ME3: variants seen among roughly 807,000 people sequenced by gnomAD.
ME3 encodes the protein NADP-dependent malic enzyme, mitochondrial.
In ME3, 48 loss-of-function variants were observed where a neutral mutation model predicts 68.9. The observed-to-expected ratio is 0.70, with a 90% confidence interval of 0.55 to 0.89. ME3 has a LOEUF of 0.89. ME3 is among the 40% of genes least tolerant of loss of function. ME3 has a pLI of 0.00. For synonymous variants in ME3, 320 were observed against 318.8 expected (o/e 1.00, Z -0.04); for missense variants, 675 against 797.4 (o/e 0.85, Z 1.85).
intron 2 of ME3, among the ~76,000 whole-genome samples, chr11:86,641,464 T>C (rs1398784345): frequency 6.6e-6 from 1 of 152,242 alleles, no homozygotes; most frequent in African/African-American, 2.4e-5. Context: ...GCTAACTGGA[T>C]GCAAATGTGT....
At chr11:86,558,521 G>A (rs1247385439) in intron 3 of ME3, among the ~76,000 whole-genome samples, 6 of 152,198 alleles carry the variant, frequency 3.9e-5, no homozygotes, top group African/African-American at 1.4e-4. Flanking sequence ...TGGATGGTAT[G>A]AGGGAAACAG....
intron 2 of ME3, among the ~76,000 whole-genome samples, chr11:86,660,622 C>A (rs77188594): frequency 6.6e-6 from 1 of 152,126 alleles, no homozygotes; most frequent in African/African-American, 2.4e-5. Context: ...TGCCTAATAC[C>A]TGGTCACAGG....
At chr11:86,591,893 A>G (rs534497281) in intron 2 of ME3, among the ~76,000 whole-genome samples, 1 of 152,240 alleles carries the variant, frequency 6.6e-6, no homozygotes, top group Admixed American at 6.5e-5. Context: ...GGAATTCAAG[A>G]TGAGATTTGG....
intron 4 of ME3, among the ~76,000 whole-genome samples, chr11:86,544,897 CA>C (rs982603656): frequency 2.6e-5 from 4 of 152,104 alleles, no homozygotes; most frequent in African/African-American, 7.2e-5. Flanking sequence ...AACATCAATG[CA>C]AAAATCCTCA....
chr11:86,584,747 C>G (rs1181044153), intron 2 of ME3, among the ~76,000 whole-genome samples: 2 of 152,130 alleles, frequency 1.3e-5, no homozygotes, highest in African/African-American at 4.8e-5. Context: ...AATAATCCTA[C>G]TCATAGAAGC....
chr11:86,529,527 T>C (rs1479360315), intron 4 of ME3, among the ~76,000 whole-genome samples: 1 of 152,192 alleles, frequency 6.6e-6, no homozygotes, highest in Non-Finnish European at 1.5e-5. Context: ...ATCATCCTGA[T>C]ACCAAAGCCT....
At chr11:86,534,077 GTGTGTATATATATATA>G (rs1241430294) in intron 4 of ME3, among the ~76,000 whole-genome samples, 1 of 12,048 alleles carries the variant, frequency 8.3e-5, no homozygotes, top group African/African-American at 4.0e-4. Context: ...GTGTGTGTGT[GTGTGTATATATATATA>G]TATATATATA....
At chr11:86,603,125 G>A (rs1400940514) in intron 2 of ME3, among the ~76,000 whole-genome samples, 1 of 152,162 alleles carries the variant, frequency 6.6e-6, no homozygotes, top group African/African-American at 2.4e-5. Context: ...AAGAGCTTCA[G>A]CACAGCAAAA....
chr11:86,528,501 T>C (rs571280214), intron 4 of ME3, among the ~76,000 whole-genome samples: 19 of 152,188 alleles, frequency 1.2e-4, no homozygotes, highest in Admixed American at 3.3e-4. Flanking sequence ...CTGCACCAAG[T>C]GGACCTAATA....
chr11:86,644,306 T>C (rs1007662630), intron 2 of ME3, among the ~76,000 whole-genome samples: 5 of 152,168 alleles, frequency 3.3e-5, no homozygotes, highest in Admixed American at 6.5e-5. Flanking sequence ...CTTGCCCTCT[T>C]CCAATCTGTT....
chr11:86,444,924 T>C (rs1461124192), intron 13 of ME3, among the ~76,000 whole-genome samples: 1 of 152,112 alleles, frequency 6.6e-6, no homozygotes, highest in Non-Finnish European at 1.5e-5. Flanking sequence ...TGATAATAAG[T>C]AGATCCAGGA....
At chr11:86,595,104 G>T (rs1959201160) in intron 2 of ME3, among the ~76,000 whole-genome samples, 1 of 144,978 alleles carries the variant, frequency 6.9e-6, no homozygotes, top group Non-Finnish European at 1.5e-5. Flanking sequence ...TTTAGAGGAT[G>T]TTGAGGACTT....
At chr11:86,600,537 G>T (rs1319995004) in intron 2 of ME3, among the ~76,000 whole-genome samples, 1 of 148,530 alleles carries the variant, frequency 6.7e-6, no homozygotes, top group East Asian at 2.2e-4. Context: ...ACATTAGACA[G>T]ATGAACGAGA....
intron 4 of ME3, among the ~76,000 whole-genome samples, chr11:86,526,620 T>G (rs1023619657): frequency 5.2e-4 from 79 of 152,100 alleles, no homozygotes; most frequent in Non-Finnish European, 1.3e-4. Context: ...CAACATCCAG[T>G]AGGGGCAGAC....
intron 2 of ME3, among the ~76,000 whole-genome samples, chr11:86,582,855 G>T (rs1958520118): frequency 6.6e-6 from 1 of 151,168 alleles, no homozygotes; most frequent in African/African-American, 2.4e-5. Context: ...CAGAGGCCCA[G>T]TTGTTTCCAC....
At chr11:86,490,474 G>A (rs1223950735) in intron 6 of ME3, among the ~76,000 whole-genome samples, 1 of 152,164 alleles carries the variant, frequency 6.6e-6, no homozygotes, top group East Asian at 1.9e-4. Flanking sequence ...TCACTTAGAA[G>A]CATCAAACAG....
intron 2 of ME3, among the ~76,000 whole-genome samples, chr11:86,640,702 C>G (rs187036042): frequency 6.6e-5 from 10 of 152,338 alleles, no homozygotes; most frequent in Admixed American, 3.9e-4. Context: ...ATTCTTCTCT[C>G]TCATCACCTC....
intron 4 of ME3, among the ~76,000 whole-genome samples, chr11:86,528,855 C>T (rs1954979049): frequency 1.3e-5 from 2 of 151,976 alleles, no homozygotes; most frequent in South Asian, 4.2e-4. Flanking sequence ...ACATTCAAAG[C>T]AGTGTGTAGA....
chr11:86,549,234 A>G (rs892791183), intron 4 of ME3, among the ~76,000 whole-genome samples: 28 of 152,160 alleles, frequency 1.8e-4, no homozygotes, highest in African/African-American at 5.8e-4. Flanking sequence ...AAGAGTGTCT[A>G]TTGTAAAGTT....
Sources: allele counts gnomAD v4.1 joint callset (sites outside exome capture counted in the v4.1 genomes callset), GRCh38; gene constraint gnomAD v4.1.1; transcripts MANE v1.5; gene names NCBI Gene and HGNC (gene_info 2026-07-23, HGNC 2026-07-21).